CATSPERB: variants seen among roughly 807,000 people sequenced by gnomAD.
CATSPERB encodes catsper channel auxiliary subunit beta, also known as cation channel sperm-associated auxiliary subunit beta.
In CATSPERB, 93 loss-of-function variants were observed where a neutral mutation model predicts 128.3. That is an observed-to-expected ratio of 0.72 (90% CI 0.61 to 0.86). The LOEUF (loss-of-function observed/expected upper bound fraction) is 0.86, where lower values mean the gene tolerates loss of function less well. Ranked by LOEUF, CATSPERB falls within the 40% of genes least tolerant of loss-of-function variation. CATSPERB has a pLI of 0.00. For synonymous variants in CATSPERB, 381 were observed against 448.8 expected, an observed-to-expected ratio of 0.85 and a Z score of 1.91; for missense variants, 1,153 against 1,329.5, an observed-to-expected ratio of 0.87 and a Z score of 2.06.
rs149912316 is a variant in CATSPERB at position 91,591,931 on chromosome 14, C to G, written c.2781G>C (p.Lys927Asn). 1 of 1,614,056 alleles carries G rather than the reference C, an allele frequency of 6.2e-7. No homozygotes were observed. The highest frequency in any genetic ancestry group is 2.2e-5 in the East Asian group (1 of 44,872). ...CCGAGAAAGCAACAGCATGTGAAAACTTCTGATCCTTTGTGCAGTTACACT... is the reference window on the plus strand; with the variant it reads ...CCGAGAAAGCAACAGCATGTGAAAAGTTCTGATCCTTTGTGCAGTTACACT... The part of the protein sequence containing the change: ...REECNCTKDQ[K>N]FSHAVAFSDC... Residue 927 changes from lysine to asparagine, a missense_variant, in exon 23 of 27, where the codon AAG becomes AAC. By Grantham distance (94) the Lys-to-Asn change is moderately conservative (BLOSUM62 0). Coordinates refer to ENST00000256343, the MANE Select transcript of CATSPERB (RefSeq NM_024764.4).
At chr14:91,637,794 G>C (rs896550462) in intron 16 of CATSPERB, among the ~76,000 whole-genome samples, 9 of 142,246 alleles carry the variant, frequency 6.3e-5, no homozygotes, top group African/African-American at 2.3e-4. Flanking sequence ...ATACCTGTAG[G>C]GTTTTTTTTT....
chr14:91,607,627 A>T (rs1893736030), intron 22 of CATSPERB, among the ~76,000 whole-genome samples: 1 of 152,224 alleles, frequency 6.6e-6, no homozygotes, highest in African/African-American at 2.4e-5. Flanking sequence ...TTTCACTCTG[A>T]ATGAGATCGG....
chr14:91,593,813 T>C (rs1023567917), intron 22 of CATSPERB, among the ~76,000 whole-genome samples: 2 of 152,130 alleles, frequency 1.3e-5, no homozygotes, highest in Admixed American at 1.3e-4. Context: ...ATGATATGGT[T>C]TGGCTGTGTT....
In CATSPERB at chr14:91,617,566, AG is replaced by A. The variant is rs759405190; in HGVS notation, c.2400+30del. The A allele has an allele frequency of 1.2e-4, 184 of 1,547,696 alleles. 1 individual carries two copies. The highest frequency in any genetic ancestry group is 1.7e-5 in the Non-Finnish European group (20 of 1,156,554). On this transcript the variant is annotated intron_variant, in intron 20 of 26. Coordinates refer to ENST00000256343, the MANE Select transcript of CATSPERB (RefSeq NM_024764.4). ...GTTTCAGAAAATTTTTTCATCAGTA[AG>A]AAATGTTTTGTAAATGAAGAAAATC... is the stretch of plus-strand genomic sequence containing the variant.
chr14:91,705,528 C>A lies in CATSPERB; in HGVS notation c.467-827G>T, dbSNP rs200000810. 4.6e-5 allele frequency among the ~76,000 whole-genome samples: 7 copies of A among 152,342 alleles called. No individual in the cohort carries two copies. The East Asian group carries it at 5.8e-4, about 13-fold the overall frequency. On this transcript the variant is annotated intron_variant, in intron 6 of 26. Transcript: ENST00000256343. The stretch of plus-strand genomic sequence containing the variant: ...CACTAGTGGTGAATAAGGTCTTTCA[C>A]GTGGCAAACCAGGCCTTCCAGAATC...
intron 15 of CATSPERB, among the ~76,000 whole-genome samples, chr14:91,654,441 C>A (rs184861751): frequency 1.9e-4 from 29 of 152,320 alleles, no homozygotes; most frequent in Admixed American, 6.5e-4. Context: ...GCCCTTGGAC[C>A]TTGAGTGAAT....
At chr14:91,685,229 C>A (rs990577952) in intron 10 of CATSPERB, among the ~76,000 whole-genome samples, 1 of 152,242 alleles carries the variant, frequency 6.6e-6, no homozygotes, top group East Asian at 1.9e-4. Context: ...GACTGGCCGC[C>A]AACGAATTTT....
At chr14:91,581,793 G>C (rs1893210706) in intron 26 of CATSPERB, among the ~76,000 whole-genome samples, 1 of 152,234 alleles carries the variant, frequency 6.6e-6, no homozygotes, top group Non-Finnish European at 1.5e-5. Flanking sequence ...GGCATAAAGA[G>C]AGTAGGGGGT....
chr14:91,693,286 A>T lies in CATSPERB; in HGVS notation c.713-42T>A, dbSNP rs780460950. The T allele has an allele frequency of 4.2e-5, 65 of 1,558,458 alleles. No individual in the cohort carries two copies. In the South Asian group the frequency reaches 7.2e-4, roughly 17 times the overall value. ...TACCATGGATTAAAAAGTAAGAAAA[A>T]AGTGAGTTCCTTACTGAAGCAAAGA... On this transcript the variant is annotated intron_variant, in intron 8 of 26. Transcript: ENST00000256343.
At chr14:91,675,961 T>C (rs904933494) in intron 11 of CATSPERB, among the ~76,000 whole-genome samples, 1 of 152,222 alleles carries the variant, frequency 6.6e-6, no homozygotes, top group African/African-American at 2.4e-5. Flanking sequence ...TTGTCGGAAA[T>C]ACCTGGGATA....
intron 20 of CATSPERB, among the ~76,000 whole-genome samples, chr14:91,613,729 G>C (rs916018034): frequency 6.6e-6 from 1 of 152,182 alleles, no homozygotes; most frequent in African/African-American, 2.4e-5. Context: ...CCTAGTTGGA[G>C]ATAACTGTGG....
At position 91,636,492 on chromosome 14, in the gene CATSPERB, C is replaced by A; in HGVS notation, c.1675G>T (p.Glu559Ter). The A allele has an allele frequency of 6.2e-7, 1 of 1,613,964 alleles. No individual in the cohort carries two copies. The highest frequency in any genetic ancestry group is 8.5e-7 in the Non-Finnish European group (1 of 1,179,950). ...TTGCTGTAGATCGTTTCCTGGGGTT[C>A]GTTCTCAGGTACATATGCAAAAAAG... ...IIFFAYVPEN[E>*]PQETIYSKKF... The change falls in exon 17 of 27, where the codon GAA becomes TAA. Residue 559 changes from glutamate (E) to a stop codon, truncating the protein, a stop_gained. Transcript: ENST00000256343. LOFTEE classifies it high-confidence loss of function.
At chr14:91,591,107 G>C (rs1893392255) in intron 23 of CATSPERB, among the ~76,000 whole-genome samples, 1 of 151,980 alleles carries the variant, frequency 6.6e-6, no homozygotes, top group Non-Finnish European at 1.5e-5. Flanking sequence ...ATCCAGGCTG[G>C]AGTGCAGTGG....
In CATSPERB at chr14:91,659,969, C is replaced by G; in HGVS notation, c.1300G>C (p.Val434Leu). 1 of 1,581,574 alleles carries G rather than the reference C, an allele frequency of 6.3e-7. No homozygotes were observed. Among genetic ancestry groups the G allele is most frequent in the African/African-American group, 1.4e-5 (1 of 72,304 alleles). The change falls in exon 15 of 27, where the codon GTT becomes CTT. Residue 434 changes from valine (V) to leucine (L), a missense_variant. Physicochemically the swap from Val to Leu is conservative, Grantham distance 32. Coordinates refer to ENST00000256343, the MANE Select transcript of CATSPERB (RefSeq NM_024764.4). ...YAYGNQIWLS[V>L]DGGNTFQLIA... Reference sequence around the variant, plus strand: ...AATTGAAAGGTGTTGCCGCCATCAACTGAAAGCCATATCTAAAGGAATAAA... The same window carrying G: ...AATTGAAAGGTGTTGCCGCCATCAAGTGAAAGCCATATCTAAAGGAATAAA...
chr14:91,729,956 C>T (rs569158306), intron 1 of CATSPERB, among the ~76,000 whole-genome samples: 10 of 152,124 alleles, frequency 6.6e-5, no homozygotes, highest in East Asian at 1.9e-4. Context: ...TGTTTTGTAG[C>T]CACCAGCCTT....
intron 7 of CATSPERB, among the ~76,000 whole-genome samples, chr14:91,696,583 A>T (rs1428804993): frequency 6.6e-6 from 1 of 151,988 alleles, no homozygotes; most frequent in Non-Finnish European, 1.5e-5. Flanking sequence ...CTGGCCTTAA[A>T]TATTTTTTTT....
chr14:91,602,209 G>A (rs761984992), intron 22 of CATSPERB, among the ~76,000 whole-genome samples: 3 of 152,052 alleles, frequency 2.0e-5, no homozygotes, highest in Non-Finnish European at 4.4e-5. Context: ...ATTTTTCCCT[G>A]TGTGTATGTT....
chr14:91,726,333 G>A (rs1349134402), intron 2 of CATSPERB, among the ~76,000 whole-genome samples: 1 of 152,188 alleles, frequency 6.6e-6, no homozygotes. Context: ...GCCCAGGCGT[G>A]CTCGTCCGGC....
chr14:91,626,097 C>T (rs1894155067), intron 17 of CATSPERB, among the ~76,000 whole-genome samples: 1 of 151,876 alleles, frequency 6.6e-6, no homozygotes, highest in African/African-American at 2.4e-5. Context: ...TGCACTCCAG[C>T]GTGGGTGACA....
Sources: gnomAD v4.1 joint callset for allele counts (sites outside exome capture counted in the v4.1 genomes callset) on GRCh38, gnomAD v4.1.1 for gene constraint, MANE v1.5 for transcripts, NCBI Gene and HGNC (gene_info 2026-07-23, HGNC 2026-07-21) for gene names.